The following EXOSC1 variants were observed in gnomAD, a reference collection of about 807,000 sequenced individuals.
EXOSC1 encodes the protein exosome complex component CSL4.
EXOSC1 carries 27 observed loss-of-function variants against 31.4 expected under a neutral mutation model. The observed-to-expected ratio is 0.86, with a 90% confidence interval of 0.63 to 1.18. EXOSC1 has a LOEUF of 1.18. Among genes scored for constraint, EXOSC1 ranks in the 50% most tolerant of loss-of-function variants. The probability of loss-of-function intolerance (pLI) is 0.00; values close to 1 mark genes in which losing one functional copy is unlikely to be tolerated. For missense variants in EXOSC1, 228 were observed against 250.3 expected, an observed-to-expected ratio of 0.91 and a Z score of 0.60; for synonymous variants, 84 against 89.5, an observed-to-expected ratio of 0.94 and a Z score of 0.35.
intron 3 of EXOSC1, 37 bp from the exon 4 acceptor site, chr10:97,441,296 G>A: frequency 6.3e-7 from 1 of 1,576,210 alleles, no homozygotes; most frequent in Non-Finnish European, 8.7e-7. Flanking sequence ...CAGAGTATAA[G>A]CAGTTGTCAG....
intron 2 of EXOSC1, chr10:97,443,699 T>C (rs137901030): frequency 1.9e-3 from 320 of 165,942 alleles, no homozygotes; most frequent in Middle Eastern, 2.9e-3. Context: ...CTTTTTTTTG[T>C]AGTAAATCTC....
At chr10:97,441,485 G>GTTTTTT (rs1564788825) in intron 3 of EXOSC1, among the ~76,000 whole-genome samples, 1 of 150,206 alleles carries the variant, frequency 6.7e-6, no homozygotes. Context: ...AGGTGGTATG[G>GTTTTTT]GTTTTTTTTT....
intron 7 of EXOSC1, 52 bp from the exon 8 acceptor site, chr10:97,436,603 A>C: frequency 1.3e-6 from 2 of 1,508,440 alleles, no homozygotes; most frequent in East Asian, 2.4e-5. Flanking sequence ...TTTGCCTGCG[A>C]CTCCTCTTTT....
At chr10:97,437,069 T>G in intron 7 of EXOSC1, 122 bp downstream of exon 7, 1 of 869,078 alleles carries the variant, frequency 1.2e-6, no homozygotes. Flanking sequence ...ATCATTCTAA[T>G]CTCAGAGGGA....
chr10:97,438,662 C>A lies in EXOSC1; in HGVS notation c.345+8G>T. On this transcript the variant is annotated splice_region_variant and intron_variant, in intron 5 of 7. Transcript: ENST00000370902. ...AAAGCCATTAAAAAAAAAGAACCAA[C>A]CAACAACCTTGTCTTTTTCAGTTGC... 1 of 1,611,180 alleles carries A rather than the reference C, an allele frequency of 6.2e-7. No homozygotes were observed. Among genetic ancestry groups the A allele is most frequent in the Non-Finnish European group, 8.5e-7 (1 of 1,178,950 alleles).
chr10:97,444,467 G>T (rs967139858), intron 2 of EXOSC1: 1 of 152,202 alleles, frequency 6.6e-6, no homozygotes, highest in Non-Finnish European at 1.5e-5. Flanking sequence ...CAGCTTAAAT[G>T]TCACTTCTGC....
intron 3 of EXOSC1, 148 bp from the exon 4 acceptor site, chr10:97,441,407 G>C (rs1460916982): frequency 4.0e-6 from 2 of 502,538 alleles, no homozygotes; most frequent in South Asian, 2.2e-5. Context: ...TTCTCTCTGC[G>C]TAAGTGACAC....
chr10:97,436,376 A>C lies in EXOSC1; in HGVS notation c.*69T>G. On this transcript the variant is annotated 3_prime_UTR_variant, in exon 8 of 8. Coordinates refer to ENST00000370902, the MANE Select transcript of EXOSC1 (RefSeq NM_016046.5). ...TTGGCCGACGCCAGGTGTTTGAATA[A>C]AGACAGCAGCATCTTGGTGTTATAC... is the stretch of plus-strand genomic sequence containing the variant. 1 of 1,206,980 alleles carries C rather than the reference A, an allele frequency of 8.3e-7. No individual in the cohort carries two copies. Among genetic ancestry groups the C allele is most frequent in the East Asian group, 2.4e-5 (1 of 41,640 alleles). 74.8% of individuals were successfully genotyped at this position (1,206,980 alleles called of 1,614,324 possible). A position where few individuals can be genotyped will look rare whatever the true frequency, so the allele number is the denominator to read the frequency against.
At chr10:97,443,781 T>C (rs1315873995) in intron 2 of EXOSC1, 1 of 153,260 alleles carries the variant, frequency 6.5e-6, no homozygotes, top group Non-Finnish European at 1.5e-5. Flanking sequence ...CTATAATCAT[T>C]GACAATTTTA....
At chr10:97,438,730 T>C in intron 4 of EXOSC1, 27 bp from the exon 5 acceptor site, 2 of 1,537,658 alleles carry the variant, frequency 1.3e-6, no homozygotes, top group South Asian at 2.3e-5. Context: ...AACAGAAAGA[T>C]TAATTACCTG....
rs372935105 is a variant in EXOSC1 at position 97,436,601 on chromosome 10, C to T, written c.482-50G>A. On this transcript the variant is annotated intron_variant, in intron 7 of 7. Coordinates refer to ENST00000370902, the MANE Select transcript of EXOSC1 (RefSeq NM_016046.5). The stretch of plus-strand genomic sequence containing the variant: ...AGCCCAGACCCCAAAGATTTGCCTG[C>T]GACTCCTCTTTTATGCTGGGTATGA... 27 of 1,517,200 alleles carry T rather than the reference C, an allele frequency of 1.8e-5. No individual in the cohort carries two copies. In the African/African-American group the frequency reaches 2.4e-4, roughly 14 times the overall value. The allele number at this position is 1,517,200 out of a possible 1,614,324, so 94.0% of individuals were successfully genotyped here.
Position 97,443,218 on chromosome 10 carries a change from G to A in EXOSC1, c.222+19C>T. ...GTATTGAATGGGCATTCTAAGCATGGAGGTCAGGACCAACTTACCTTACAG... is the reference window on the plus strand; with the variant it reads ...GTATTGAATGGGCATTCTAAGCATGAAGGTCAGGACCAACTTACCTTACAG... On this transcript the variant is annotated intron_variant, in intron 3 of 7. Coordinates refer to ENST00000370902, the MANE Select transcript of EXOSC1 (RefSeq NM_016046.5). 1 of 1,607,764 alleles carries A rather than the reference G, an allele frequency of 6.2e-7. No individual in the cohort carries two copies.
intron 6 of EXOSC1, among the ~76,000 whole-genome samples, 198 bp from the exon 7 acceptor site, chr10:97,437,473 G>A (rs781171413): frequency 2.0e-5 from 3 of 151,862 alleles, no homozygotes; most frequent in Non-Finnish European, 4.4e-5. Context: ...TCAGCTTCCC[G>A]AATAGCTGGG....
At chr10:97,436,987 G>C (rs573332654) in intron 7 of EXOSC1, among the ~76,000 whole-genome samples, 2 of 152,300 alleles carry the variant, frequency 1.3e-5, no homozygotes, top group South Asian at 4.1e-4. Context: ...CTGCACTCCA[G>C]CCTCCTCGAC....
intron 5 of EXOSC1, 112 bp from the exon 6 acceptor site, chr10:97,437,862 A>C (rs1564786989): frequency 2.4e-6 from 2 of 828,028 alleles, no homozygotes; most frequent in East Asian, 5.2e-5. Flanking sequence ...GGTAGAAATC[A>C]TCATTACTCA....
In EXOSC1 at chr10:97,436,516, G is replaced by A; in HGVS notation, c.517C>T (p.Gln173Ter). ...QMVPISWCEMQCPKTHTKEFR... is the reference protein window; with the variant it reads ...QMVPISWCEM ...TCTTTAGTGTGGGTCTTAGGGCACT[G>A]CATCTCACACCAGCTGATGGGAACC... The change falls in exon 8 of 8, where the codon CAG becomes TAG. Residue 173 changes from glutamine (Q) to a stop codon, truncating the protein, a stop_gained. Coordinates refer to ENST00000370902, the MANE Select transcript of EXOSC1 (RefSeq NM_016046.5). LOFTEE classifies it high-confidence loss of function. 6.2e-7 allele frequency: 1 copy of A among 1,611,276 alleles called. No homozygotes were observed. Among genetic ancestry groups the A allele is most frequent in the Admixed American group, 1.7e-5 (1 of 59,222 alleles).
chr10:97,438,779 G>C (rs1234647439), intron 4 of EXOSC1, 76 bp from the exon 5 acceptor site: 4 of 1,113,752 alleles, frequency 3.6e-6, no homozygotes, highest in African/African-American at 1.7e-5. Context: ...TTGAGACAGA[G>C]TCTCCCTCTG....
At chr10:97,439,409 C>A (rs1845645150) in intron 4 of EXOSC1, among the ~76,000 whole-genome samples, 1 of 152,200 alleles carries the variant, frequency 6.6e-6, no homozygotes, top group African/African-American at 2.4e-5. Context: ...GCTCCGCCTC[C>A]TGTCAGATCG....
chr10:97,443,040 G>T (rs1462319921), intron 3 of EXOSC1, among the ~76,000 whole-genome samples, 197 bp downstream of exon 3: 2 of 152,118 alleles, frequency 1.3e-5, no homozygotes, highest in Non-Finnish European at 2.9e-5. Flanking sequence ...TTCCCAGGCT[G>T]GTCTTGAACT....
Sources: gnomAD v4.1 joint callset for allele counts (sites outside exome capture counted in the v4.1 genomes callset) on GRCh38, gnomAD v4.1.1 for gene constraint, MANE v1.5 for transcripts, NCBI Gene and HGNC (gene_info 2026-07-23, HGNC 2026-07-21) for gene names.